The following NDC1 variants were observed in gnomAD, a reference collection of about 807,000 sequenced individuals.
NDC1 encodes the protein NDC1 transmembrane nucleoporin.
A neutral mutation model predicts 89.8 loss-of-function variants in NDC1; 24 were observed. That is an observed-to-expected ratio of 0.27 (90% CI 0.19 to 0.38). The LOEUF (loss-of-function observed/expected upper bound fraction) is 0.38. Ranked by LOEUF, NDC1 falls within the 10% of genes least tolerant of loss-of-function variation. The pLI is 1.00. For synonymous variants in NDC1, 296 were observed against 284.8 expected (o/e 1.04, Z -0.39); for missense variants, 728 against 797.6 (o/e 0.91, Z 1.05).
chr1:53,787,084 T>C (rs1435223058), intron 16 of NDC1, 74 bp downstream of exon 16: 12 of 712,750 alleles, frequency 1.7e-5, no homozygotes, highest in Middle Eastern at 2.4e-4. Context: ...AAATGTGATA[T>C]ATAGGAAACA....
chr1:53,806,310 G>C, intron 9 of NDC1, 115 bp downstream of exon 9: 1 of 617,298 alleles, frequency 1.6e-6, no homozygotes. Context: ...TATCATACCA[G>C]TACAAGAATA....
intron 17 of NDC1, among the ~76,000 whole-genome samples, chr1:53,770,099 G>A (rs956281354): frequency 3.9e-5 from 6 of 152,060 alleles, no homozygotes; most frequent in Non-Finnish European, 5.9e-5. Context: ...AGCCTCCACT[G>A]ATTTTATCAG....
chr1:53,781,314 C>T (rs1252206968), intron 16 of NDC1, among the ~76,000 whole-genome samples: 1 of 152,166 alleles, frequency 6.6e-6, no homozygotes, highest in Non-Finnish European at 1.5e-5. Flanking sequence ...CTCAGCAATG[C>T]TTTCAAATGA....
intron 17 of NDC1, 54 bp downstream of exon 17, chr1:53,772,275 T>TA: frequency 6.5e-7 from 1 of 1,528,864 alleles, no homozygotes; most frequent in East Asian, 2.3e-5. Context: ...TACCTATTTC[T>TA]AAGGAAAGCT....
intron 6 of NDC1, among the ~76,000 whole-genome samples, chr1:53,816,890 A>T (rs935136004): frequency 6.6e-6 from 1 of 152,256 alleles, no homozygotes; most frequent in South Asian, 2.1e-4. Flanking sequence ...ATATGAAAAA[A>T]TGCTCAATAT....
intron 14 of NDC1, 122 bp downstream of exon 14, chr1:53,793,107 A>G: frequency 1.2e-6 from 1 of 854,846 alleles, no homozygotes; most frequent in Non-Finnish European, 1.9e-6. Context: ...GCACTATGCA[A>G]AGCTGCCTAG....
At position 53,768,001 on chromosome 1, in the gene NDC1, C is replaced by A. The variant is rs371861925; in HGVS notation, c.1994G>T (p.Arg665Ile). Reference sequence around the variant, plus strand: ...TTTGAACTCCAAGAACTGTTGAAGTCTTTTCTGATGTTCTGCAGATGCTTG... The same window carrying A: ...TTTGAACTCCAAGAACTGTTGAAGTATTTTCTGATGTTCTGCAGATGCTTG... The part of the protein sequence containing the change: ...AVQASAEHQK[R>I]LQQFLEFKE Residue 665 changes from arginine (R) to isoleucine (I), a missense_variant, in exon 18 of 18, where the codon AGA becomes ATA. Transcript: ENST00000371429. 15 of 1,609,278 alleles carry A rather than the reference C, an allele frequency of 9.3e-6. No homozygotes were observed. Among genetic ancestry groups the A allele is most frequent in the African/African-American group, 1.3e-5 (1 of 74,912 alleles).
chr1:53,817,474 G>A (rs956831861), intron 6 of NDC1, among the ~76,000 whole-genome samples: 2 of 152,078 alleles, frequency 1.3e-5, no homozygotes, highest in African/African-American at 2.4e-5. Context: ...TGGACTTTGG[G>A]GACTTGCAAG....
chr1:53,823,711 A>C (rs1404454883), intron 5 of NDC1, among the ~76,000 whole-genome samples: 1 of 152,124 alleles, frequency 6.6e-6, no homozygotes, highest in Admixed American at 6.6e-5. Flanking sequence ...AAGATTTTGG[A>C]GTTTTTCTCC....
At chr1:53,806,347 C>T (rs1051919644) in intron 9 of NDC1, 78 bp downstream of exon 9, 3 of 955,062 alleles carry the variant, frequency 3.1e-6, no homozygotes, top group African/African-American at 3.5e-5. Flanking sequence ...AATACAACTA[C>T]TTAAATATAC....
At chr1:53,801,237 G>GA (rs1647903137) in intron 10 of NDC1, among the ~76,000 whole-genome samples, 1 of 152,106 alleles carries the variant, frequency 6.6e-6, no homozygotes, top group Non-Finnish European at 1.5e-5. Context: ...CTAAGACAAT[G>GA]AACACTACGA....
chr1:53,837,978 C>T (rs1236791448), intron 1 of NDC1, among the ~76,000 whole-genome samples: 1 of 152,258 alleles, frequency 6.6e-6, no homozygotes, highest in Non-Finnish European at 1.5e-5. Context: ...ATCCGTCCCA[C>T]TCTGACCAGC....
chr1:53,804,925 A>G (rs1325437935), intron 9 of NDC1, among the ~76,000 whole-genome samples: 1 of 152,066 alleles, frequency 6.6e-6, no homozygotes, highest in South Asian at 2.1e-4. Context: ...GCCACAGTAC[A>G]TTTTAGTTAT....
intron 16 of NDC1, among the ~76,000 whole-genome samples, chr1:53,777,362 T>C (rs1327626913): frequency 6.6e-6 from 1 of 152,162 alleles, no homozygotes. Flanking sequence ...GCTCTCTTTG[T>C]TCTCTAAAAG....
chr1:53,792,437 T>C (rs1336188694), intron 14 of NDC1, among the ~76,000 whole-genome samples: 7 of 152,210 alleles, frequency 4.6e-5, no homozygotes, highest in Admixed American at 2.0e-4. Flanking sequence ...ATGACTGTTA[T>C]GCGTTATCTA....
intron 16 of NDC1, among the ~76,000 whole-genome samples, chr1:53,776,833 TATC>T (rs1430098398): frequency 6.6e-6 from 1 of 152,232 alleles, no homozygotes; most frequent in African/African-American, 2.4e-5. Flanking sequence ...TACATGATTT[TATC>T]ATTATTCTGT....
chr1:53,788,694 T>C (rs55668784), intron 15 of NDC1, among the ~76,000 whole-genome samples: 7,648 of 152,074 alleles, frequency 0.05, 555 homozygotes, highest in African/African-American at 0.16. Flanking sequence ...CCCAAAGTGC[T>C]GGGATTACAG....
intron 16 of NDC1, among the ~76,000 whole-genome samples, chr1:53,781,434 A>C (rs1647206376): frequency 6.6e-6 from 1 of 152,218 alleles, no homozygotes; most frequent in Non-Finnish European, 1.5e-5. Flanking sequence ...GTCCCTTATA[A>C]TAACAGTGAT....
rs1191239411 is a variant in NDC1, at chr1:53,838,193, C to T, written c.57+12G>A. The T allele has an allele frequency of 3.5e-5, 54 of 1,533,670 alleles. No individual in the cohort carries two copies. Among genetic ancestry groups the T allele is most frequent in the Non-Finnish European group, 4.5e-5 (52 of 1,145,606 alleles). On this transcript the variant is annotated intron_variant, in intron 1 of 17. Coordinates refer to ENST00000371429, the MANE Select transcript of NDC1 (RefSeq NM_018087.5). ...CCCTGGCAGTGCGTGCCACAGTGCA[C>T]GCCGCACTCACGCGCCACAGTATGT...
Sources: gnomAD v4.1 joint callset for allele counts (sites outside exome capture counted in the v4.1 genomes callset) on GRCh38, gnomAD v4.1.1 for gene constraint, MANE v1.5 for transcripts, NCBI Gene and HGNC (gene_info 2026-07-23, HGNC 2026-07-21) for gene names.